Variants in SOAT1 observed in about 807,000 individuals in gnomAD.
SOAT1 encodes the protein acyl-coenzyme A:cholesterol acyltransferase 1.
In SOAT1, 55 loss-of-function variants were observed where a neutral mutation model predicts 69.5. The observed-to-expected ratio is 0.79, with a 90% confidence interval of 0.64 to 0.99. The LOEUF is 0.99. Among genes scored for constraint, SOAT1 ranks in the 50% least tolerant of loss-of-function variants. SOAT1 has a pLI of 0.00. For missense variants in SOAT1, 580 were observed against 669.3 expected (o/e 0.87, Z 1.47); for synonymous variants, 231 against 224.7 (o/e 1.03, Z -0.25).
chr1:179,305,307 C>G (rs6425527), intron 2 of SOAT1, among the ~76,000 whole-genome samples: 1 of 151,902 alleles, frequency 6.6e-6, no homozygotes, highest in African/African-American at 2.4e-5. Flanking sequence ...AGTGCAGGGG[C>G]TATTCACAGG....
intron 2 of SOAT1, among the ~76,000 whole-genome samples, chr1:179,312,630 G>T (rs1665259245): frequency 1.3e-5 from 2 of 152,190 alleles, no homozygotes; most frequent in African/African-American, 2.4e-5. Flanking sequence ...TGCCCTGTGT[G>T]TTTCTGGTAG....
chr1:179,318,307 G>A (rs942300166), intron 2 of SOAT1, among the ~76,000 whole-genome samples: 1 of 152,010 alleles, frequency 6.6e-6, no homozygotes, highest in Admixed American at 6.6e-5. Context: ...ATAAGAAACT[G>A]TCTCTAAATC....
At chr1:179,299,442 C>T (rs1571399113) in intron 1 of SOAT1, among the ~76,000 whole-genome samples, 1 of 152,012 alleles carries the variant, frequency 6.6e-6, no homozygotes, top group East Asian at 1.9e-4. Flanking sequence ...ACTGCTGTAG[C>T]TGTGATTCTT....
rs1461348609 is a variant in SOAT1, at chr1:179,344,352, GGTTTTTTTTTTTTTTTTTTTTT to G, written c.988-594_988-573del. On this transcript the variant is annotated intron_variant, in intron 10 of 15. Coordinates refer to ENST00000367619, the MANE Select transcript of SOAT1 (RefSeq NM_003101.6). ...TATGAAGTAAGTTCTTTCATTAAGG[GGTTTTTTTTTTTTTTTTTTTTT>G]TTTTTTTTTTTTTTTTTTGAGAAGG... Among the ~76,000 whole-genome samples the G allele has an allele frequency of 7.1e-3, 855 of 120,550 alleles. 67 individuals are homozygous for G. The highest frequency in any genetic ancestry group is 0.024 in the African/African-American group (803 of 33,304). 79.1% of individuals were successfully genotyped at this position (120,550 alleles called of 152,430 possible). A position where few individuals can be genotyped will look rare whatever the true frequency, so the allele number is the denominator to read the frequency against.
chr1:179,337,894 A>G lies in SOAT1; in HGVS notation c.387A>G (p.Leu129=). The G allele has an allele frequency of 6.3e-7, 1 of 1,599,368 alleles. No homozygotes were observed. The highest frequency in any genetic ancestry group is 8.5e-7 in the Non-Finnish European group (1 of 1,172,336). The change falls in exon 5 of 16, where the codon TTA becomes TTG. Residue 129 remains leucine (L), a splice_region_variant and synonymous_variant. Transcript: ENST00000367619. ...GKIFIARRSL[L]DELLEVDHIR... is the part of the protein sequence containing the mutation. ...TTTTTATTGCAAGGCGCTCTCTCTT[A>G]GAGTGAGTATTTTTAGTTGTTTTTA...
intron 2 of SOAT1, among the ~76,000 whole-genome samples, chr1:179,304,103 G>T (rs1428962048): frequency 1.3e-5 from 2 of 152,194 alleles, no homozygotes; most frequent in Non-Finnish European, 2.9e-5. Context: ...CTTAAATCAA[G>T]AAGTGTAACA....
Position 179,353,999 on chromosome 1 carries a change from C to G in SOAT1, c.*358C>G, listed in dbSNP as rs761829403. ...AGAATAAACATCATAGTTTCTTGGC[C>G]ACTGAATTAGCCAAAACACTTAGGA... On this transcript the variant is annotated 3_prime_UTR_variant, in exon 16 of 16. Coordinates refer to ENST00000367619, the MANE Select transcript of SOAT1 (RefSeq NM_003101.6). 2.3e-4 allele frequency: 45 copies of G among 199,470 alleles called. No homozygotes were observed. Among genetic ancestry groups the G allele is most frequent in the Non-Finnish European group, 3.9e-4 (39 of 99,732 alleles). The allele number at this position is 199,470 out of a possible 1,614,324, so 12.4% of individuals were successfully genotyped here.
intron 2 of SOAT1, among the ~76,000 whole-genome samples, chr1:179,310,160 A>T (rs1322984596): frequency 6.6e-6 from 1 of 151,998 alleles, no homozygotes; most frequent in East Asian, 1.9e-4. Context: ...TCAGCCTCCC[A>T]AAGTGCTGGG....
At chr1:179,313,582 A>G (rs192395347) in intron 2 of SOAT1, among the ~76,000 whole-genome samples, 7 of 150,674 alleles carry the variant, frequency 4.6e-5, no homozygotes, top group Admixed American at 2.0e-4. Flanking sequence ...GTGTATATAT[A>G]TGTATATATA....
At chr1:179,342,268 T>G (rs1666365574) in intron 8 of SOAT1, 76 bp downstream of exon 8, 5 of 728,362 alleles carry the variant, frequency 6.9e-6, no homozygotes, top group African/African-American at 2.2e-5. Context: ...TTCCCTTCCC[T>G]TCCCTTCTTT....
intron 15 of SOAT1, among the ~76,000 whole-genome samples, chr1:179,351,720 A>ATTTTTTTTTTTTTTTTTTTTTTTTTTTT (rs1558061106): frequency 6.9e-5 from 3 of 43,496 alleles, no homozygotes; most frequent in African/African-American, 2.8e-4. Context: ...AGCCCCTTCT[A>ATTTTTTTTTTTTTTTTTTTTTTTTTTTT]ATTTTTTTTT....
At chr1:179,347,725 T>C (rs756471982) in intron 12 of SOAT1, 28 bp downstream of exon 12, 1 of 1,317,330 alleles carries the variant, frequency 7.6e-7, no homozygotes, top group Non-Finnish European at 1.1e-6. Context: ...TTAGCTTTCT[T>C]TTTACATTTT....
chr1:179,350,561 TCAGA>T (rs1045814186), intron 14 of SOAT1, 130 bp downstream of exon 14: 52 of 769,986 alleles, frequency 6.8e-5, no homozygotes, highest in Non-Finnish European at 1.0e-4. Flanking sequence ...TACTTCTTTA[TCAGA>T]TGGTCAGAAT....
chr1:179,351,720 A>ATTT (rs1558061106), intron 15 of SOAT1, among the ~76,000 whole-genome samples: 31 of 43,506 alleles, frequency 7.1e-4, no homozygotes, highest in African/African-American at 2.4e-3. Flanking sequence ...AGCCCCTTCT[A>ATTT]ATTTTTTTTT....
intron 1 of SOAT1, among the ~76,000 whole-genome samples, chr1:179,299,229 T>C (rs1664752319): frequency 6.6e-6 from 1 of 152,192 alleles, no homozygotes; most frequent in Non-Finnish European, 1.5e-5. Context: ...CTGATAGTCT[T>C]TGTTTTGAAT....
chr1:179,311,639 A>C (rs1233286049), intron 2 of SOAT1, among the ~76,000 whole-genome samples: 1 of 152,198 alleles, frequency 6.6e-6, no homozygotes, highest in African/African-American at 2.4e-5. Flanking sequence ...TTACTATGTA[A>C]CTTTAAAAAA....
At chr1:179,315,538 T>A (rs1665362617) in intron 2 of SOAT1, among the ~76,000 whole-genome samples, 1 of 152,202 alleles carries the variant, frequency 6.6e-6, no homozygotes, top group Non-Finnish European at 1.5e-5. Flanking sequence ...TTTTTAAATT[T>A]TAAATTGTAG....
chr1:179,355,109 T>C lies in SOAT1; in HGVS notation c.*1468T>C, dbSNP rs1159813085. 6.6e-6 allele frequency: 1 copy of C among 152,164 alleles called. No individual in the cohort carries two copies. The highest frequency in any genetic ancestry group is 2.4e-5 in the African/African-American group (1 of 41,446). The allele number at this position is 152,164 out of a possible 1,614,324, so 9.4% of individuals were successfully genotyped here. On this transcript the variant is annotated 3_prime_UTR_variant, in exon 16 of 16. Coordinates refer to ENST00000367619, the MANE Select transcript of SOAT1 (RefSeq NM_003101.6). ...ACTGGTCCAGATGAGTTTAGGTAAT[T>C]TTCAAACATTAAATCCAACTTCAAC...
chr1:179,293,871 G>T lies in SOAT1; in HGVS notation c.-74G>T, dbSNP rs1664536856. ...CCCGGAGTCGACCTTCCTGCTGGCTGCTCTGTGACCGCTTCCCGGCTCTGC... is the reference window on the plus strand; with the variant it reads ...CCCGGAGTCGACCTTCCTGCTGGCTTCTCTGTGACCGCTTCCCGGCTCTGC... On this transcript the variant is annotated 5_prime_UTR_variant, in exon 1 of 16. Transcript: ENST00000367619. The T allele has an allele frequency of 6.6e-6, 1 of 152,440 alleles. No individual in the cohort carries two copies. The highest frequency in any genetic ancestry group is 1.5e-5 in the Non-Finnish European group (1 of 68,206). The allele number at this position is 152,440 out of a possible 1,614,324, so 9.4% of individuals were successfully genotyped here.
Sources: gnomAD v4.1 joint callset for allele counts (sites outside exome capture counted in the v4.1 genomes callset) on GRCh38, gnomAD v4.1.1 for gene constraint, MANE v1.5 for transcripts, NCBI Gene and HGNC (gene_info 2026-07-23, HGNC 2026-07-21) for gene names.